Variants in PAK5 observed in about 807,000 individuals in gnomAD.
The protein encoded by PAK5 is serine/threonine-protein kinase PAK 5.
A neutral mutation model predicts 65.9 loss-of-function variants in PAK5; 16 were observed. The ratio of observed to expected loss-of-function variants is 0.24; its 90% CI spans 0.16 to 0.37. The LOEUF is 0.37. Among genes scored for constraint, PAK5 ranks in the 10% least tolerant of loss-of-function variants. The pLI is 1.00. For synonymous variants in PAK5, 371 were observed against 354.9 expected (o/e 1.05, Z -0.51); for missense variants, 785 against 903.9 (o/e 0.87, Z 1.69).
At chr20:9,618,915 G>GTTCTTTTTTTTT (rs2046715541) in intron 3 of PAK5, among the ~76,000 whole-genome samples, 1 of 18,816 alleles carries the variant, frequency 5.3e-5, no homozygotes, top group Non-Finnish European at 9.0e-5. Context: ...TCTTTCTTTC[G>GTTCTTTTTTTTT]TTTTTTTTTT....
intron 2 of PAK5, among the ~76,000 whole-genome samples, chr20:9,651,085 G>T (rs1263533965): frequency 6.6e-6 from 1 of 152,114 alleles, no homozygotes; most frequent in Non-Finnish European, 1.5e-5. Context: ...ATTAATTTAG[G>T]GTTCTGGTTG....
intron 5 of PAK5, 90 bp from the exon 6 acceptor site, chr20:9,563,114 A>G: frequency 8.8e-7 from 1 of 1,133,682 alleles, no homozygotes. Context: ...AAGTAAACTG[A>G]TTGAGAGGTA....
intron 1 of PAK5, among the ~76,000 whole-genome samples, chr20:9,716,532 A>T (rs2048149054): frequency 6.6e-6 from 1 of 152,232 alleles, no homozygotes; most frequent in Non-Finnish European, 1.5e-5. Context: ...TTTTGTTAGC[A>T]TCATTATATT....
intron 3 of PAK5, among the ~76,000 whole-genome samples, chr20:9,597,263 T>C (rs1289629104): frequency 6.6e-6 from 1 of 152,212 alleles, no homozygotes; most frequent in African/African-American, 2.4e-5. Flanking sequence ...GCTCTCTCCA[T>C]GTCTCAGCTA....
At chr20:9,769,125 T>C (rs2048805306) in intron 1 of PAK5, among the ~76,000 whole-genome samples, 1 of 152,232 alleles carries the variant, frequency 6.6e-6, no homozygotes, top group South Asian at 2.1e-4. Context: ...GCCGAACTTC[T>C]GACTAATCAA....
intron 2 of PAK5, among the ~76,000 whole-genome samples, chr20:9,678,780 C>T (rs2047610318): frequency 6.6e-6 from 1 of 152,092 alleles, no homozygotes; most frequent in South Asian, 2.1e-4. Context: ...CTCATGAGAA[C>T]TTACTCACTA....
intron 1 of PAK5, among the ~76,000 whole-genome samples, chr20:9,816,727 C>A (rs1267185000): frequency 1.3e-5 from 2 of 152,184 alleles, no homozygotes; most frequent in Non-Finnish European, 2.9e-5. Flanking sequence ...GATAGCAGAT[C>A]ATGGGACTTC....
intron 1 of PAK5, among the ~76,000 whole-genome samples, chr20:9,823,816 T>TTG (rs1555933345): frequency 6.6e-6 from 1 of 152,008 alleles, no homozygotes; most frequent in East Asian, 1.9e-4. Flanking sequence ...GGTCTGTTTC[T>TTG]GGGGGGGAAA....
chr20:9,810,790 A>G (rs538503674), intron 1 of PAK5, among the ~76,000 whole-genome samples: 1 of 152,308 alleles, frequency 6.6e-6, no homozygotes, highest in African/African-American at 2.4e-5. Context: ...ACCATATCTC[A>G]CAAAAATGAA....
rs750134302 is a variant in PAK5, at chr20:9,750,134, G to A, written c.-161-38699C>T. The stretch of plus-strand genomic sequence containing the variant: ...AGTGCATCACCCTTTTTCATTTATG[G>A]CCTAAACATTCTACCAGAGGGAAAT... On this transcript the variant is annotated intron_variant, in intron 1 of 9. Transcript: ENST00000353224. Among the ~76,000 whole-genome samples the A allele has an allele frequency of 3.3e-5, 5 of 151,832 alleles. No homozygotes were observed. In the East Asian group the frequency reaches 7.7e-4, roughly 23 times the overall value.
At chr20:9,716,765 C>T (rs574031008) in intron 1 of PAK5, among the ~76,000 whole-genome samples, 1 of 152,142 alleles carries the variant, frequency 6.6e-6, no homozygotes, top group East Asian at 1.9e-4. Context: ...CTGCTAAAGC[C>T]ATATTACCAT....
chr20:9,769,110 A>G (rs555594049), intron 1 of PAK5, among the ~76,000 whole-genome samples: 1 of 152,326 alleles, frequency 6.6e-6, no homozygotes, highest in South Asian at 2.1e-4. Context: ...GTTCTAACTT[A>G]CTAGGCCGAA....
At chr20:9,765,028 T>C (rs1328115043) in intron 1 of PAK5, among the ~76,000 whole-genome samples, 1 of 152,136 alleles carries the variant, frequency 6.6e-6, no homozygotes, top group Non-Finnish European at 1.5e-5. Flanking sequence ...ACTGAAGGTA[T>C]TACAAGCACA....
At chr20:9,662,400 C>A (rs2181217) in intron 2 of PAK5, among the ~76,000 whole-genome samples, 144,852 of 152,218 alleles carry the variant, frequency 0.95, 68,954 homozygotes, top group East Asian at 1. Context: ...TTTCTGTAAT[C>A]TGGAACTCAC....
chr20:9,742,076 A>T (rs908239154), intron 1 of PAK5, among the ~76,000 whole-genome samples: 1 of 152,132 alleles, frequency 6.6e-6, no homozygotes, highest in African/African-American at 2.4e-5. Flanking sequence ...GAGCTGAATA[A>T]GGTCATGTGC....
At chr20:9,698,565 T>C (rs1261581365) in intron 2 of PAK5, among the ~76,000 whole-genome samples, 1 of 152,176 alleles carries the variant, frequency 6.6e-6, no homozygotes, top group African/African-American at 2.4e-5. Context: ...GCTTTCTAAG[T>C]CACAGGGCTA....
At chr20:9,562,472 T>C (rs780406088) in intron 6 of PAK5, among the ~76,000 whole-genome samples, 2 of 152,206 alleles carry the variant, frequency 1.3e-5, no homozygotes, top group Non-Finnish European at 2.9e-5. Context: ...CCCAGATTCA[T>C]TATTTTGATA....
chr20:9,657,663 T>G (rs1164649894), intron 2 of PAK5, among the ~76,000 whole-genome samples: 2 of 152,224 alleles, frequency 1.3e-5, no homozygotes, highest in East Asian at 3.8e-4. Context: ...ATTATGAAAG[T>G]GTAACTTGTA....
At chr20:9,761,580 T>C (rs980585099) in intron 1 of PAK5, among the ~76,000 whole-genome samples, 48 of 152,202 alleles carry the variant, frequency 3.2e-4, no homozygotes, top group Non-Finnish European at 6.3e-4. Context: ...AGACCCTGAA[T>C]AGCCAAACCG....
Sources: allele counts gnomAD v4.1 joint callset (sites outside exome capture counted in the v4.1 genomes callset), GRCh38; gene constraint gnomAD v4.1.1; transcripts MANE v1.5; gene names NCBI Gene and HGNC (gene_info 2026-07-23, HGNC 2026-07-21).